The following RNF220 variants were observed in gnomAD, a reference collection of about 807,000 sequenced individuals.
RNF220 encodes E3 ubiquitin-protein ligase RNF220.
RNF220 carries 7 observed loss-of-function variants against 67.1 expected under a neutral mutation model. The observed-to-expected ratio is 0.10, with a 90% CI of 0.06 to 0.20. RNF220 has a LOEUF of 0.20. Ranked by LOEUF, RNF220 falls within the 10% of genes least tolerant of loss-of-function variation. The probability of loss-of-function intolerance (pLI) is 1.00; values close to 1 mark genes in which losing one functional copy is unlikely to be tolerated. For missense variants in RNF220, 565 were observed against 740.3 expected (o/e 0.76, Z 2.75); for synonymous variants, 270 against 283.2 (o/e 0.95, Z 0.47).
chr1:44,619,673 CA>C (rs956043729), intron 3 of RNF220, among the ~76,000 whole-genome samples: 4 of 152,110 alleles, frequency 2.6e-5, no homozygotes, highest in Admixed American at 1.3e-4. Context: ...AGTGACTGAG[CA>C]AGGGAGGAAA....
At chr1:44,495,414 T>C (rs1327153136) in intron 2 of RNF220, among the ~76,000 whole-genome samples, 1 of 152,128 alleles carries the variant, frequency 6.6e-6, no homozygotes, top group African/African-American at 2.4e-5. Context: ...TTTCAAAGAA[T>C]AGATAGTGTA....
At chr1:44,623,673 A>G (rs1643871986) in intron 4 of RNF220, among the ~76,000 whole-genome samples, 2 of 152,124 alleles carry the variant, frequency 1.3e-5, no homozygotes, top group Non-Finnish European at 2.9e-5. Flanking sequence ...AGTGAAGGAG[A>G]GTGTTTGGAG....
chr1:44,645,653 G>A lies in RNF220; in HGVS notation c.1445+165G>A, dbSNP rs1051715423. 1.3e-4 allele frequency among the ~76,000 whole-genome samples: 20 copies of A among 152,212 alleles called. No individual in the cohort carries two copies. Among genetic ancestry groups the A allele is most frequent in the African/African-American group, 4.3e-4 (18 of 41,470 alleles). ...CAGTGGAGCCCAGCTGGTGCTAAGC[G>A]TGACTCTGTGAATTGATCACTGGGC... is the stretch of plus-strand genomic sequence containing the variant. On this transcript the variant is annotated intron_variant, in intron 12 of 14. Coordinates refer to ENST00000361799, the MANE Select transcript of RNF220 (RefSeq NM_018150.4). This position sits in a 1 kb window ranked among gnomAD's most constrained non-coding sequence, Gnocchi z 5.0.
intron 2 of RNF220, among the ~76,000 whole-genome samples, chr1:44,454,499 T>G (rs947150169): frequency 2.3e-4 from 35 of 152,172 alleles, no homozygotes; most frequent in African/African-American, 8.4e-4. Context: ...ACCTGTGTAT[T>G]TTCTCTTTTA....
intron 2 of RNF220, among the ~76,000 whole-genome samples, chr1:44,588,098 C>T (rs60315668): frequency 0.062 from 9,446 of 152,228 alleles, 1,012 homozygotes; most frequent in African/African-American, 0.22. Flanking sequence ...GAATCATAAG[C>T]GGCGCTGGCA....
At chr1:44,532,109 A>T (rs190425818) in intron 2 of RNF220, among the ~76,000 whole-genome samples, 56 of 152,272 alleles carry the variant, frequency 3.7e-4, no homozygotes, top group African/African-American at 1.3e-3. Context: ...TTACATATGT[A>T]CGCTCTTTAT....
Position 44,616,855 on chromosome 1 carries a change from C to G in RNF220, c.758+2558C>G, listed in dbSNP as rs185160297. On this transcript the variant is annotated intron_variant, in intron 3 of 14. Coordinates refer to ENST00000361799, the MANE Select transcript of RNF220 (RefSeq NM_018150.4). ...TCTCTGTCTGCCTCCTCGGTGAGGG[C>G]CACACTACAGTGCAGTCCCAGGTGC... is the stretch of plus-strand genomic sequence containing the variant. 1.5e-3 allele frequency among the ~76,000 whole-genome samples: 236 copies of G among 152,258 alleles called. 1 individual carries two copies. The highest frequency in any genetic ancestry group is 3.4e-3 in the Middle Eastern group (1 of 294).
intron 2 of RNF220, among the ~76,000 whole-genome samples, chr1:44,530,797 C>G (rs1660779396): frequency 6.6e-6 from 1 of 151,958 alleles, no homozygotes; most frequent in Admixed American, 6.6e-5. Flanking sequence ...AACCCTGTCT[C>G]TACTAAAAAT....
chr1:44,580,066 AGAAAGAAAG>A (rs1665151159), intron 2 of RNF220, among the ~76,000 whole-genome samples: 1 of 148,982 alleles, frequency 6.7e-6, no homozygotes, highest in Admixed American at 6.6e-5. Flanking sequence ...AAGAAAGAAA[AGAAAGAAAG>A]AAAGAAAAGA....
Position 44,645,412 on chromosome 1 carries a change from A to G in RNF220, c.1369A>G (p.Met457Val), listed in dbSNP as rs1274371253. The change falls in exon 12 of 15, where the codon ATG (methionine) becomes GTG (valine). Residue 457 changes from methionine to valine, a missense_variant and splice_region_variant. Met to Val is a conservative substitution (Grantham distance 21). Transcript: ENST00000361799. This position sits in a 1 kb window ranked among gnomAD's most constrained non-coding sequence, Gnocchi z 5.0. ...PEFSKWASDE[M>V]PSTSNGESSK... ...GAGTTGCCCCTCTGTCCCAGCAGAG[A>G]TGCCATCCACCAGCAATGGTGAAAG... 1 of 1,613,962 alleles carries G rather than the reference A, an allele frequency of 6.2e-7. No individual in the cohort carries two copies. The highest frequency in any genetic ancestry group is 1.1e-5 in the South Asian group (1 of 91,066).
intron 2 of RNF220, among the ~76,000 whole-genome samples, chr1:44,601,447 G>A (rs1175150443): frequency 1.3e-5 from 2 of 152,182 alleles, no homozygotes; most frequent in Non-Finnish European, 2.9e-5. Flanking sequence ...GCTGATGGAG[G>A]AAAGCATGAG....
chr1:44,458,153 C>T lies in RNF220; in HGVS notation c.625+45431C>T, dbSNP rs986183702. 2.0e-5 allele frequency among the ~76,000 whole-genome samples: 3 copies of T among 151,914 alleles called. No homozygotes were observed. The East Asian group carries it at 5.8e-4, about 29-fold the overall frequency. ...GTGTAGGCACCTGTAGTTGCAGCTA[C>T]TTAGGAGGCTGAGGTGGTAGGATCA... On this transcript the variant is annotated intron_variant, in intron 2 of 14. Coordinates refer to ENST00000361799, the MANE Select transcript of RNF220 (RefSeq NM_018150.4).
At chr1:44,525,388 C>A (rs546484291) in intron 2 of RNF220, among the ~76,000 whole-genome samples, 1 of 152,170 alleles carries the variant, frequency 6.6e-6, no homozygotes, top group South Asian at 2.1e-4. Context: ...GCTCAGCAGA[C>A]GCATCTCATC....
At chr1:44,520,599 C>G (rs1418219587) in intron 2 of RNF220, among the ~76,000 whole-genome samples, 1 of 152,246 alleles carries the variant, frequency 6.6e-6, no homozygotes, top group Non-Finnish European at 1.5e-5. Flanking sequence ...CTCCCTGCGT[C>G]TTGCCCATCT....
intron 3 of RNF220, among the ~76,000 whole-genome samples, chr1:44,616,712 T>C (rs1384440655): frequency 6.6e-6 from 1 of 152,004 alleles, no homozygotes; most frequent in Non-Finnish European, 1.5e-5. Context: ...TGTAATTTGC[T>C]CCCAGAGGAG....
At chr1:44,559,582 C>T (rs1040556781) in intron 2 of RNF220, among the ~76,000 whole-genome samples, 1 of 152,158 alleles carries the variant, frequency 6.6e-6, no homozygotes, top group African/African-American at 2.4e-5. Flanking sequence ...AGGGGGCATC[C>T]CGGGGGAGAC....
intron 2 of RNF220, among the ~76,000 whole-genome samples, chr1:44,468,830 T>C (rs1177766133): frequency 6.6e-6 from 1 of 152,090 alleles, no homozygotes; most frequent in Non-Finnish European, 1.5e-5. Context: ...GGCACGAGAA[T>C]TGCTTGAGCC....
intron 3 of RNF220, among the ~76,000 whole-genome samples, chr1:44,620,912 C>CTTTT (rs71036690): frequency 3.2e-5 from 4 of 126,364 alleles, no homozygotes; most frequent in African/African-American, 1.2e-4. Context: ...TGTTGTGAAT[C>CTTTT]TTTTTTTTTT....
intron 2 of RNF220, among the ~76,000 whole-genome samples, chr1:44,443,216 A>T (rs1038632787): frequency 4.6e-5 from 7 of 152,162 alleles, no homozygotes; most frequent in Admixed American, 4.6e-4. Context: ...TCTCCCACTA[A>T]ACCTGTATCT....
Sources: allele counts gnomAD v4.1 joint callset (sites outside exome capture counted in the v4.1 genomes callset), GRCh38; gene constraint gnomAD v4.1.1; non-coding constraint Gnocchi (gnomAD v3.1); transcripts MANE v1.5; gene names NCBI Gene and HGNC (gene_info 2026-07-23, HGNC 2026-07-21).